Variants in NCOA2 observed in about 807,000 individuals in gnomAD.
NCOA2 encodes the protein class E basic helix-loop-helix protein 75.
A neutral mutation model predicts 145.1 loss-of-function variants in NCOA2; 21 were observed. The ratio of observed to expected loss-of-function variants is 0.14; its 90% CI spans 0.10 to 0.21. The LOEUF (loss-of-function observed/expected upper bound fraction) is 0.21. Among genes scored for constraint, NCOA2 ranks in the 10% least tolerant of loss-of-function variants. The probability of loss-of-function intolerance (pLI) is 1.00; values close to 1 mark genes in which losing one functional copy is unlikely to be tolerated. For missense variants in NCOA2, 1,472 were observed against 1,837.6 expected, an observed-to-expected ratio of 0.80 and a Z score of 3.64; for synonymous variants, 619 against 637.5, an observed-to-expected ratio of 0.97 and a Z score of 0.44.
At chr8:70,408,243 CTT>C (rs1814811992), upstream of NCOA2, among the ~76,000 whole-genome samples, 1 of 152,126 alleles carries the variant, frequency 6.6e-6, no homozygotes, top group South Asian at 2.1e-4. Flanking sequence ...TGAAACCAAA[CTT>C]ATTCACTAAT....
At chr8:70,228,803 C>CT (rs1480318378) in intron 2 of NCOA2, among the ~76,000 whole-genome samples, 9 of 152,172 alleles carry the variant, frequency 5.9e-5, no homozygotes, top group Admixed American at 3.9e-4. Context: ...TCAGAGACAG[C>CT]TAGCTATATT....
intron 1 of NCOA2, among the ~76,000 whole-genome samples, chr8:70,348,994 TG>T (rs561050426): frequency 1.9e-5 from 2 of 103,726 alleles, no homozygotes; most frequent in Admixed American, 1.1e-4. Context: ...ATTGAAAATG[TG>T]GGGGGCATGG....
chr8:70,341,459 TCAATGAAG>T (rs76137514), intron 1 of NCOA2, among the ~76,000 whole-genome samples: 4 of 152,200 alleles, frequency 2.6e-5, no homozygotes, highest in Non-Finnish European at 5.9e-5. Flanking sequence ...ACAAGGGCAG[TCAATGAAG>T]TCTTGCTGCC....
intron 2 of NCOA2, among the ~76,000 whole-genome samples, chr8:70,287,331 T>C (rs2135569709): frequency 6.6e-6 from 1 of 152,260 alleles, no homozygotes; most frequent in East Asian, 1.9e-4. Flanking sequence ...TGTAGTATTT[T>C]CTCTTTTTTA....
intron 2 of NCOA2, among the ~76,000 whole-genome samples, chr8:70,270,968 T>A (rs1429680733): frequency 6.6e-6 from 1 of 152,266 alleles, no homozygotes; most frequent in African/African-American, 2.4e-5. Flanking sequence ...ATGAATTATA[T>A]GAATTTTCAA....
intron 1 of NCOA2, among the ~76,000 whole-genome samples, chr8:70,374,000 T>G (rs2131301492): frequency 6.6e-6 from 1 of 152,350 alleles, no homozygotes; most frequent in East Asian, 1.9e-4. Flanking sequence ...GTCTTTGCAC[T>G]TCCATATGAA....
At chr8:70,135,615 ATC>A (rs1179142188) in intron 15 of NCOA2, among the ~76,000 whole-genome samples, 1 of 152,156 alleles carries the variant, frequency 6.6e-6, no homozygotes, top group Non-Finnish European at 1.5e-5. Context: ...CAGACTCCCA[ATC>A]TGAACTTTAT....
In NCOA2 at chr8:70,193,637, T is replaced by C. The variant is rs535524298; in HGVS notation, c.260-18778A>G. Among the ~76,000 whole-genome samples the C allele has an allele frequency of 6.0e-4, 91 of 152,264 alleles. 1 individual carries two copies. In the South Asian group the frequency reaches 0.018, roughly 30 times the overall value. The stretch of plus-strand genomic sequence containing the variant: ...GGAAAAAAGCTTTTAAGAAGTTGAG[T>C]TTAATCATGTCAATCCCAAAAGAGC... On this transcript the variant is annotated intron_variant, in intron 4 of 22. Coordinates refer to ENST00000452400, the MANE Select transcript of NCOA2 (RefSeq NM_006540.4).
intron 2 of NCOA2, among the ~76,000 whole-genome samples, chr8:70,285,806 A>G (rs1419373816): frequency 6.6e-6 from 1 of 152,192 alleles, no homozygotes; most frequent in Non-Finnish European, 1.5e-5. Context: ...ATGGGGAATG[A>G]AAAACAAATC....
At chr8:70,254,866 T>C (rs1389173308) in intron 2 of NCOA2, among the ~76,000 whole-genome samples, 3 of 152,172 alleles carry the variant, frequency 2.0e-5, no homozygotes, top group Admixed American at 6.5e-5. Flanking sequence ...AGGGTCAATT[T>C]TATGTATATT....
Position 70,403,693 on chromosome 8 carries a change from C to T in NCOA2, c.-77+7G>A, listed in dbSNP as rs1814608416. On this transcript the variant is annotated splice_region_variant and intron_variant, in intron 1 of 22. Transcript: ENST00000452400. ...GCCCTCGCGGCCCCGGGGGAAGGCG[C>T]GGTTACCGGCTCGGGTCGGTCACGC... 2.6e-6 allele frequency: 1 copy of T among 391,794 alleles called. No individual in the cohort carries two copies. The highest frequency in any genetic ancestry group is 4.5e-6 in the Non-Finnish European group (1 of 221,500). 24.3% of individuals were successfully genotyped at this position (391,794 alleles called of 1,614,324 possible). A position where few individuals can be genotyped will look rare whatever the true frequency, so the allele number is the denominator to read the frequency against.
At chr8:70,429,607 A>G in the NCOA2 span, among the ~76,000 whole-genome samples, 3 of 152,202 alleles carry the variant, frequency 2.0e-5, no homozygotes, top group Non-Finnish European at 4.4e-5. Context: ...CTTGTTTGAC[A>G]TCTCACTGTC....
intron 1 of NCOA2, among the ~76,000 whole-genome samples, chr8:70,358,244 A>G (rs1005893359): frequency 2.0e-5 from 3 of 152,246 alleles, no homozygotes; most frequent in African/African-American, 7.2e-5. Flanking sequence ...CCTTTTTAAT[A>G]GAAATGAGAG....
Position 70,213,979 on chromosome 8 carries a change from G to A in NCOA2, c.183C>T (p.Asp61=). Reference sequence around the variant, plus strand: ...ATTTGTCAGGTTTGAAGTTAAAGTTGTCTATATCATTAAAATTTGCAAAAA... The same window carrying A: ...ATTTGTCAGGTTTGAAGTTAAAGTTATCTATATCATTAAAATTTGCAAAAA... ...ELIFANFNDI[D]NFNFKPDKCA... is the part of the protein sequence containing the mutation. The change falls in exon 4 of 23, where the codon GAC becomes GAT. Residue 61 remains aspartate, a synonymous_variant. Transcript: ENST00000452400. 6.2e-7 allele frequency: 1 copy of A among 1,612,700 alleles called. No homozygotes were observed. Among genetic ancestry groups the A allele is most frequent in the South Asian group, 1.1e-5 (1 of 90,740 alleles).
At chr8:70,329,198 G>A (rs1267838190) in intron 1 of NCOA2, among the ~76,000 whole-genome samples, 1 of 152,022 alleles carries the variant, frequency 6.6e-6, no homozygotes, top group Non-Finnish European at 1.5e-5. Flanking sequence ...ACAGCTCACC[G>A]TAGCCCCCAA....
the NCOA2 span, among the ~76,000 whole-genome samples, chr8:70,411,029 C>G: frequency 2.0e-5 from 3 of 152,050 alleles, no homozygotes; most frequent in Non-Finnish European, 2.9e-5. Context: ...GAGTTGTACC[C>G]TTAGGATTTG....
intron 7 of NCOA2, among the ~76,000 whole-genome samples, chr8:70,165,703 C>CCT (rs1813533168): frequency 6.6e-6 from 1 of 152,164 alleles, no homozygotes; most frequent in African/African-American, 2.4e-5. Flanking sequence ...CTGTCTCTAT[C>CCT]CTCTCTTTAG....
intron 2 of NCOA2, among the ~76,000 whole-genome samples, chr8:70,246,726 C>T (rs1289246894): frequency 6.6e-6 from 1 of 151,992 alleles, no homozygotes; most frequent in Admixed American, 6.6e-5. Context: ...TTTCCTCCTC[C>T]CCTAGCCCCT....
chr8:70,194,731 T>C (rs1284644009), intron 4 of NCOA2, among the ~76,000 whole-genome samples: 1 of 149,282 alleles, frequency 6.7e-6, no homozygotes, highest in Non-Finnish European at 1.5e-5. Flanking sequence ...CTTGAAAGTG[T>C]GCATCATCTT....
Sources: allele counts gnomAD v4.1 joint callset (sites outside exome capture counted in the v4.1 genomes callset), GRCh38; gene constraint gnomAD v4.1.1; transcripts MANE v1.5; gene names NCBI Gene and HGNC (gene_info 2026-07-23, HGNC 2026-07-21).